ZNRF3: variants seen among roughly 807,000 people sequenced by gnomAD.
ZNRF3 encodes the protein zinc and ring finger 3, also known as E3 ubiquitin-protein ligase ZNRF3.
In ZNRF3, 23 loss-of-function variants were observed where a neutral mutation model predicts 72.5. The ratio of observed to expected loss-of-function variants is 0.32; its 90% CI spans 0.23 to 0.45. The LOEUF (loss-of-function observed/expected upper bound fraction) is 0.45. Among genes scored for constraint, ZNRF3 ranks in the 20% least tolerant of loss-of-function variants. ZNRF3 has a pLI of 1.00. For missense variants in ZNRF3, 1,169 were observed against 1,272.1 expected, an observed-to-expected ratio of 0.92 and a Z score of 1.23; for synonymous variants, 610 against 545.3, an observed-to-expected ratio of 1.12 and a Z score of -1.65.
intron 1 of ZNRF3, among the ~76,000 whole-genome samples, chr22:28,945,536 T>C (rs1191105082): frequency 2.0e-5 from 3 of 151,804 alleles, no homozygotes; most frequent in African/African-American, 7.3e-5. Flanking sequence ...ATTTTTTTTT[T>C]TTTTTCTTTT....
At chr22:28,932,134 T>G (rs1174723666) in intron 1 of ZNRF3, among the ~76,000 whole-genome samples, 1 of 152,194 alleles carries the variant, frequency 6.6e-6, no homozygotes, top group Non-Finnish European at 1.5e-5. Context: ...GCCACACCTG[T>G]GGTCATCATT....
At chr22:28,894,362 TA>T (rs1406576310) in intron 1 of ZNRF3, among the ~76,000 whole-genome samples, 1 of 146,610 alleles carries the variant, frequency 6.8e-6, no homozygotes, top group African/African-American at 2.6e-5. Flanking sequence ...TTGTCTGCCA[TA>T]AGGATCTGAA....
chr22:28,914,629 A>G (rs1381176762), intron 1 of ZNRF3, among the ~76,000 whole-genome samples: 1 of 151,790 alleles, frequency 6.6e-6, no homozygotes, highest in Non-Finnish European at 1.5e-5. Flanking sequence ...AGCCTGACCA[A>G]CATGGTGAAA....
intron 1 of ZNRF3, among the ~76,000 whole-genome samples, chr22:28,985,907 G>A (rs2035847702): frequency 6.6e-6 from 1 of 152,212 alleles, no homozygotes; most frequent in South Asian, 2.1e-4. Context: ...AGCTTGAGGG[G>A]AGAATCCATT....
intron 1 of ZNRF3, among the ~76,000 whole-genome samples, chr22:28,926,085 C>G (rs2034595343): frequency 6.6e-6 from 1 of 152,164 alleles, no homozygotes; most frequent in Non-Finnish European, 1.5e-5. Flanking sequence ...TATGGAGACC[C>G]TGTTGTGTTT....
chr22:29,032,630 A>G (rs751397698), intron 2 of ZNRF3, among the ~76,000 whole-genome samples: 2 of 152,240 alleles, frequency 1.3e-5, no homozygotes, highest in East Asian at 3.8e-4. Flanking sequence ...GGGAGGAGAT[A>G]GGTGGCCTAG....
At chr22:28,969,541 G>A (rs538083415) in intron 1 of ZNRF3, among the ~76,000 whole-genome samples, 2 of 152,248 alleles carry the variant, frequency 1.3e-5, no homozygotes, top group Admixed American at 1.3e-4. Context: ...TGGTAGGTAG[G>A]CCTGGCATGT....
At chr22:28,935,904 G>A (rs934399552) in intron 1 of ZNRF3, among the ~76,000 whole-genome samples, 3 of 152,186 alleles carry the variant, frequency 2.0e-5, no homozygotes, top group African/African-American at 4.8e-5. Context: ...TTTGCTTCAA[G>A]AAGTGTTGCC....
intron 2 of ZNRF3, among the ~76,000 whole-genome samples, chr22:28,992,490 C>T (rs1003079236): frequency 6.6e-6 from 1 of 152,048 alleles, no homozygotes; most frequent in Non-Finnish European, 1.5e-5. Context: ...CGCAGCCCCC[C>T]AGTCTCCCTG....
At chr22:28,892,730 C>A (rs533020802) in intron 1 of ZNRF3, among the ~76,000 whole-genome samples, 4 of 152,064 alleles carry the variant, frequency 2.6e-5, no homozygotes, top group Non-Finnish European at 5.9e-5. Flanking sequence ...TCCTCCTCTC[C>A]CCAGCAGCCA....
At chr22:29,024,447 C>T (rs1440170524) in intron 2 of ZNRF3, among the ~76,000 whole-genome samples, 2 of 152,034 alleles carry the variant, frequency 1.3e-5, no homozygotes, top group East Asian at 1.9e-4. Flanking sequence ...AGGCAGCGTG[C>T]GTTGCTACTG....
At chr22:28,904,432 G>A (rs2034166451) in intron 1 of ZNRF3, among the ~76,000 whole-genome samples, 1 of 152,190 alleles carries the variant, frequency 6.6e-6, no homozygotes, top group South Asian at 2.1e-4. Flanking sequence ...ATTTCTTGAG[G>A]AGCTGAGCCT....
chr22:28,918,732 A>T (rs1009509047), intron 1 of ZNRF3, among the ~76,000 whole-genome samples: 1 of 152,124 alleles, frequency 6.6e-6, no homozygotes, highest in African/African-American at 2.4e-5. Flanking sequence ...CGAAGCTACA[A>T]TGTTTCCACT....
rs2037134099 is a variant in ZNRF3 at position 29,049,292 on chromosome 22, C to G, written c.1111C>G (p.Arg371Gly). 6.2e-6 allele frequency: 10 copies of G among 1,613,868 alleles called. No individual in the cohort carries two copies. The highest frequency in any genetic ancestry group is 8.5e-6 in the Non-Finnish European group (10 of 1,180,028). Residue 371 changes from arginine to glycine, a missense_variant, in exon 8 of 9, where the codon CGC becomes GGC. Physicochemically the swap from Arg to Gly is moderately radical, Grantham distance 125 (BLOSUM62 -2). This residue lies in a region of ZNRF3 where 386 missense variants were observed against 540.7 expected (regional missense o/e 0.71). Coordinates refer to ENST00000544604, the MANE Select transcript of ZNRF3 (RefSeq NM_001206998.2). The surrounding 1 kb of genome is among the most constrained non-coding windows in gnomAD (Gnocchi z 5.2). ...GACCCTGCCGGTGCATTACCCCGGC[C>G]GCGTGCACAGGACCAACGCCATCCC... ...RVTLPVHYPG[R>G]VHRTNAIPAY...
rs1207995802 is a variant in ZNRF3 at position 29,020,769 on chromosome 22, G to T, written c.427-21726G>T. The stretch of plus-strand genomic sequence containing the variant: ...ATTGAGAGGGGCTTTGTTTTTGTGT[G>T]TGTGTGGGTGTGTGTGTGTGTGTGT... On this transcript the variant is annotated intron_variant, in intron 2 of 8. Coordinates refer to ENST00000544604, the MANE Select transcript of ZNRF3 (RefSeq NM_001206998.2). 4.7e-3 allele frequency among the ~76,000 whole-genome samples: 311 copies of T among 66,572 alleles called. 2 individuals carry two copies. The East Asian group carries it at 0.072, about 15-fold the overall frequency. The allele number at this position is 66,572 out of a possible 152,430, so 43.7% of individuals were successfully genotyped here. A position where few individuals can be genotyped will look rare whatever the true frequency, so the allele number is the denominator to read the frequency against.
At position 29,030,179 on chromosome 22, in the gene ZNRF3, TAAAAC is replaced by T. The variant is rs1009572481; in HGVS notation, c.427-12312_427-12308del. Reference sequence around the variant, plus strand: ...GTTTTTGGTGCTCCTTGTCAGGTGTTAAAACAAAGAGGATCATTGTGTTTCTTGGA... The same window carrying T: ...GTTTTTGGTGCTCCTTGTCAGGTGTTAAAGAGGATCATTGTGTTTCTTGGA... On this transcript the variant is annotated intron_variant, in intron 2 of 8. Transcript: ENST00000544604. This position sits in a 1 kb window ranked among gnomAD's most constrained non-coding sequence, Gnocchi z 4.2. Among the ~76,000 whole-genome samples the T allele has an allele frequency of 4.3e-4, 65 of 152,338 alleles. No individual in the cohort carries two copies. The highest frequency in any genetic ancestry group is 1.3e-3 in the African/African-American group (55 of 41,570).
At chr22:28,970,909 T>C (rs1271506248) in intron 1 of ZNRF3, among the ~76,000 whole-genome samples, 1 of 152,208 alleles carries the variant, frequency 6.6e-6, no homozygotes, top group Non-Finnish European at 1.5e-5. Flanking sequence ...TCTGGGGTGA[T>C]GAAAATGCTC....
In ZNRF3 at chr22:29,044,296, A is replaced by G. The variant is rs560055278; in HGVS notation, c.634-484A>G. On this transcript the variant is annotated intron_variant, in intron 4 of 8. Coordinates refer to ENST00000544604, the MANE Select transcript of ZNRF3 (RefSeq NM_001206998.2). ...TTGTTGGCTTCTTTTTAAAGGGAAA[A>G]AAAAAAGCGCTTTGGTAAATATGAC... Among the ~76,000 whole-genome samples, 29 of 152,350 alleles carry G rather than the reference A, an allele frequency of 1.9e-4. 1 individual carries two copies. In the South Asian group the frequency reaches 5.8e-3, roughly 30 times the overall value.
Position 29,050,327 on chromosome 22 carries a change from C to A in ZNRF3, c.2146C>A (p.Pro716Thr), listed in dbSNP as rs767295907. 6.2e-7 allele frequency: 1 copy of A among 1,600,070 alleles called. No homozygotes were observed. Among genetic ancestry groups the A allele is most frequent in the Admixed American group, 1.7e-5 (1 of 59,572 alleles). The change falls in exon 8 of 9, where the codon CCC becomes ACC. Residue 716 changes from proline to threonine, a missense_variant. Physicochemically the swap from Pro to Thr is conservative, Grantham distance 38. Transcript: ENST00000544604. ...GCCGTCGTGTGCCTGCTGCTGCGAGCCCCAGCCCTCCCCAGCCGGGCCTAG... is the reference window on the plus strand; with the variant it reads ...GCCGTCGTGTGCCTGCTGCTGCGAGACCCAGCCCTCCCCAGCCGGGCCTAG... ...ELPSCACCCE[P>T]QPSPAGPSAG...
Sources: allele counts gnomAD v4.1 joint callset (sites outside exome capture counted in the v4.1 genomes callset), GRCh38; gene constraint gnomAD v4.1.1; regional missense constraint gnomAD v4.1.1; non-coding constraint Gnocchi (gnomAD v3.1); transcripts MANE v1.5; gene names NCBI Gene and HGNC (gene_info 2026-07-23, HGNC 2026-07-21).